Variants in ZSWIM5 observed in about 807,000 individuals in gnomAD.
ZSWIM5 encodes zinc finger SWIM-type containing 5.
ZSWIM5 carries 55 observed loss-of-function variants against 119.6 expected under a neutral mutation model. That is an observed-to-expected ratio of 0.46 (90% CI 0.37 to 0.58). The LOEUF (loss-of-function observed/expected upper bound fraction) is 0.58, where lower values mean the gene tolerates loss of function less well. Ranked by LOEUF, ZSWIM5 falls within the 20% of genes least tolerant of loss-of-function variation. The pLI, the probability that ZSWIM5 is intolerant of heterozygous loss-of-function variation, is 0.00. For missense variants in ZSWIM5, 1,193 were observed against 1,512.8 expected (o/e 0.79, Z 3.51); for synonymous variants, 537 against 606.9 (o/e 0.88, Z 1.69).
intron 1 of ZSWIM5, among the ~76,000 whole-genome samples, chr1:45,174,535 C>A (rs1645964557): frequency 6.7e-6 from 1 of 149,994 alleles, no homozygotes; most frequent in South Asian, 2.1e-4. Flanking sequence ...GAGTTTGAGA[C>A]CTGCCTGGCC....
In ZSWIM5 at chr1:45,024,374, T is replaced by G. The variant is rs1644907996; in HGVS notation, c.2450-3586A>C. 1.3e-5 allele frequency among the ~76,000 whole-genome samples: 2 copies of G among 151,358 alleles called. 1 individual carries two copies. Among genetic ancestry groups the G allele is most frequent in the South Asian group, 4.2e-4 (2 of 4,806 alleles). On this transcript the variant is annotated intron_variant, in intron 11 of 13. Transcript: ENST00000359600. ...TCCTGGCTACTTTTTAAATTTTTAT[T>G]AGAGACAGGGTTTCACCATGTTGAC...
At chr1:45,173,944 T>A (rs187610769) in intron 1 of ZSWIM5, among the ~76,000 whole-genome samples, 1 of 152,122 alleles carries the variant, frequency 6.6e-6, no homozygotes, top group East Asian at 1.9e-4. Context: ...ATTAGATGAG[T>A]TACGTATGTT....
rs542810970 is a variant in ZSWIM5, at chr1:45,149,299, A to C, written c.595+56457T>G. 7.2e-5 allele frequency among the ~76,000 whole-genome samples: 11 copies of C among 152,344 alleles called. No homozygotes were observed. The South Asian group carries it at 2.3e-3, about 32-fold the overall frequency. ...AGAAAAACAAAAACATGATTGTCAC[A>C]TGTACAAACACAGTAAAATAATCTA... On this transcript the variant is annotated intron_variant, in intron 1 of 13. Transcript: ENST00000359600.
At chr1:45,095,476 A>C (rs1015876298) in intron 1 of ZSWIM5, among the ~76,000 whole-genome samples, 14 of 152,142 alleles carry the variant, frequency 9.2e-5, no homozygotes, top group Non-Finnish European at 1.9e-4. Context: ...CAAGATGCAA[A>C]CAAGGTGCAG....
intron 1 of ZSWIM5, among the ~76,000 whole-genome samples, chr1:45,106,046 C>A (rs1293605543): frequency 7.0e-6 from 1 of 142,100 alleles, no homozygotes; most frequent in African/African-American, 2.6e-5. Context: ...GCGCCTCTGC[C>A]CGGCCGCCCC....
rs2148985066 is a variant in ZSWIM5, at chr1:45,017,514, A to G, written c.*940T>C. 6.6e-6 allele frequency: 1 copy of G among 152,264 alleles called. No homozygotes were observed. Among genetic ancestry groups the G allele is most frequent in the Middle Eastern group, 3.4e-3 (1 of 294 alleles). The allele number at this position is 152,264 out of a possible 1,614,324, so 9.4% of individuals were successfully genotyped here. On this transcript the variant is annotated 3_prime_UTR_variant, in exon 14 of 14. Coordinates refer to ENST00000359600, the MANE Select transcript of ZSWIM5 (RefSeq NM_020883.2). Reference sequence around the variant, plus strand: ...AGAACTGACACATACACATAAATATATATGTGCACAAACAGGCATGCACAG... The same window carrying G: ...AGAACTGACACATACACATAAATATGTATGTGCACAAACAGGCATGCACAG...
At chr1:45,131,818 G>GATGA (rs1323190271) in intron 1 of ZSWIM5, among the ~76,000 whole-genome samples, 1 of 150,892 alleles carries the variant, frequency 6.6e-6, no homozygotes, top group Non-Finnish European at 1.5e-5. Context: ...TTATTTTATG[G>GATGA]ATGACCAAAC....
chr1:45,112,282 A>G (rs1039668384), intron 1 of ZSWIM5, among the ~76,000 whole-genome samples: 1 of 152,172 alleles, frequency 6.6e-6, no homozygotes, highest in Non-Finnish European at 1.5e-5. Flanking sequence ...TTTACCCAGC[A>G]TAGTTATTTT....
At chr1:45,030,798 C>CT (rs56045429) in intron 11 of ZSWIM5, among the ~76,000 whole-genome samples, 128,956 of 133,102 alleles carry the variant, frequency 0.97, 62,645 homozygotes, top group East Asian at 0.99. Context: ...TTCATTCTTT[C>CT]TTTTTTTTTT....
chr1:45,174,696 C>T lies in ZSWIM5; in HGVS notation c.595+31060G>A, dbSNP rs145998707. Among the ~76,000 whole-genome samples, 769 of 151,900 alleles carry T rather than the reference C, an allele frequency of 5.1e-3. 44 individuals are homozygous for T. In the East Asian group the frequency reaches 0.1, roughly 21 times the overall value. ...TGGAGTTTGCAGTGAGCTGAGATCG[C>T]GCCACTGCACTACAGCCTGGGCCAC... is the stretch of plus-strand genomic sequence containing the variant. On this transcript the variant is annotated intron_variant, in intron 1 of 13. Transcript: ENST00000359600.
chr1:45,120,660 A>G (rs1485495738), intron 1 of ZSWIM5, among the ~76,000 whole-genome samples: 1 of 149,732 alleles, frequency 6.7e-6, no homozygotes, highest in Non-Finnish European at 1.5e-5. Context: ...TTTTTTGTAG[A>G]CATGGGGGTC....
At chr1:45,127,449 T>A (rs1369878992) in intron 1 of ZSWIM5, among the ~76,000 whole-genome samples, 1 of 151,982 alleles carries the variant, frequency 6.6e-6, no homozygotes, top group East Asian at 1.9e-4. Flanking sequence ...TCACTTTTTT[T>A]TTTTTTTTAA....
At position 45,061,640 on chromosome 1, in the gene ZSWIM5, G is replaced by A. The variant is rs537309503; in HGVS notation, c.953-1393C>T. Among the ~76,000 whole-genome samples the A allele has an allele frequency of 1.7e-4, 26 of 151,528 alleles. No individual in the cohort carries two copies. In the South Asian group the frequency reaches 5.4e-3, roughly 32 times the overall value. On this transcript the variant is annotated intron_variant, in intron 2 of 13. Transcript: ENST00000359600. ...CCTGCCTTGGCCTCCCAAAGTGCTG[G>A]GATTACAGGTGTGAGCCACCATGCC...
intron 11 of ZSWIM5, among the ~76,000 whole-genome samples, chr1:45,033,133 G>T (rs1474654514): frequency 6.6e-6 from 1 of 151,990 alleles, no homozygotes; most frequent in Non-Finnish European, 1.5e-5. Context: ...TATCAGATTT[G>T]TTTTTTGCCA....
At chr1:45,070,054 C>T (rs909562781) in intron 2 of ZSWIM5, 13 of 853,306 alleles carry the variant, frequency 1.5e-5, no homozygotes, top group Admixed American at 5.1e-5. Context: ...AAGACACACA[C>T]GAATCCAATG....
intron 11 of ZSWIM5, among the ~76,000 whole-genome samples, chr1:45,030,800 T>TC (rs1644948358): frequency 6.8e-6 from 1 of 146,958 alleles, no homozygotes; most frequent in Non-Finnish European, 1.5e-5. Context: ...CATTCTTTCT[T>TC]TTTTTTTTTT....
At chr1:45,069,366 C>T (rs1417608175) in intron 2 of ZSWIM5, among the ~76,000 whole-genome samples, 1 of 150,986 alleles carries the variant, frequency 6.6e-6, no homozygotes, top group African/African-American at 2.4e-5. Context: ...GCGGAGCTTG[C>T]AGTGAGCCAA....
At chr1:45,089,613 A>G (rs551498210) in intron 1 of ZSWIM5, among the ~76,000 whole-genome samples, 1 of 152,314 alleles carries the variant, frequency 6.6e-6, no homozygotes, top group East Asian at 1.9e-4. Flanking sequence ...ACTGACTTCA[A>G]TGTTAATTTT....
chr1:45,127,376 A>T (rs1351830282), intron 1 of ZSWIM5, among the ~76,000 whole-genome samples: 1 of 152,138 alleles, frequency 6.6e-6, no homozygotes, highest in Non-Finnish European at 1.5e-5. Flanking sequence ...TACAGCTAAC[A>T]TACTTAATGG....
Sources: allele counts gnomAD v4.1 joint callset (sites outside exome capture counted in the v4.1 genomes callset), GRCh38; gene constraint gnomAD v4.1.1; transcripts MANE v1.5; gene names NCBI Gene and HGNC (gene_info 2026-07-23, HGNC 2026-07-21).